The following CACNA2D3 variants were observed in gnomAD, a reference collection of about 807,000 sequenced individuals.
The protein encoded by CACNA2D3 is voltage-dependent calcium channel subunit alpha-2/delta-3.
In CACNA2D3, 60 loss-of-function variants were observed where a neutral mutation model predicts 160.6. The ratio of observed to expected loss-of-function variants is 0.37; its 90% CI spans 0.30 to 0.46. The LOEUF is 0.46. Ranked by LOEUF, CACNA2D3 falls within the 20% of genes least tolerant of loss-of-function variation. The pLI is 1.00. For synonymous variants in CACNA2D3, 558 were observed against 492.9 expected (o/e 1.13, Z -1.75); for missense variants, 1,205 against 1,365.0 (o/e 0.88, Z 1.85).
rs780457730 is a variant in CACNA2D3 at position 54,642,114 on chromosome 3, A to G, written c.1054-14A>G. The G allele has an allele frequency of 5.8e-6, 9 of 1,560,626 alleles. No homozygotes were observed. Among genetic ancestry groups the G allele is most frequent in the Non-Finnish European group, 7.9e-6 (9 of 1,137,404 alleles). ...CTGATATGTATACTATTTTGAACTT[A>G]TTTCTTTCCCTAGTTCAACCACACG... is the stretch of plus-strand genomic sequence containing the variant. On this transcript the variant is annotated splice_polypyrimidine_tract_variant and intron_variant, in intron 10 of 37. Transcript: ENST00000474759.
Position 54,508,460 on chromosome 3 carries a change from G to C in CACNA2D3, c.544+4806G>C, listed in dbSNP as rs1050528142. The stretch of plus-strand genomic sequence containing the variant: ...GGCCCTAGAGAGCAAGCTCCAGTGA[G>C]CATATCAGCCCCATGAAGGCGGGAA... On this transcript the variant is annotated intron_variant, in intron 5 of 37. Coordinates refer to ENST00000474759, the MANE Select transcript of CACNA2D3 (RefSeq NM_018398.3). Among the ~76,000 whole-genome samples, 5 of 152,196 alleles carry C rather than the reference G, an allele frequency of 3.3e-5. No homozygotes were observed. The South Asian group carries it at 1.0e-3, about 32-fold the overall frequency.
At chr3:54,651,691 G>A (rs1362275311) in intron 11 of CACNA2D3, among the ~76,000 whole-genome samples, 3 of 152,088 alleles carry the variant, frequency 2.0e-5, no homozygotes, top group Non-Finnish European at 4.4e-5. Context: ...TGTGCCCCAA[G>A]CCTCCCCCGT....
chr3:54,375,645 G>A (rs1699000518), intron 3 of CACNA2D3, among the ~76,000 whole-genome samples: 1 of 152,162 alleles, frequency 6.6e-6, no homozygotes, highest in Non-Finnish European at 1.5e-5. Context: ...CAGATCAAAG[G>A]ACCTTTTGGG....
At chr3:54,355,082 T>G (rs1698626336) in intron 3 of CACNA2D3, among the ~76,000 whole-genome samples, 1 of 152,228 alleles carries the variant, frequency 6.6e-6, no homozygotes, top group African/African-American at 2.4e-5. Flanking sequence ...GTAAGTGTGC[T>G]TCAGAGAATG....
At chr3:54,423,381 A>G (rs1005742360) in intron 4 of CACNA2D3, among the ~76,000 whole-genome samples, 1 of 152,138 alleles carries the variant, frequency 6.6e-6, no homozygotes, top group African/African-American at 2.4e-5. Flanking sequence ...GCATTTTTTA[A>G]TTTAAGCCTC....
At chr3:54,777,849 G>A (rs947310654) in intron 13 of CACNA2D3, among the ~76,000 whole-genome samples, 4 of 152,198 alleles carry the variant, frequency 2.6e-5, no homozygotes, top group Non-Finnish European at 5.9e-5. Flanking sequence ...GACATCTTGA[G>A]ACCACATTAG....
At chr3:54,597,368 A>T (rs1445935553) in intron 9 of CACNA2D3, among the ~76,000 whole-genome samples, 1 of 152,032 alleles carries the variant, frequency 6.6e-6, no homozygotes, top group Non-Finnish European at 1.5e-5. Context: ...GGGAGCCCTT[A>T]TAACAGGCAT....
intron 11 of CACNA2D3, among the ~76,000 whole-genome samples, chr3:54,696,987 A>C (rs960564846): frequency 3.3e-5 from 5 of 152,126 alleles, no homozygotes; most frequent in Non-Finnish European, 7.4e-5. Flanking sequence ...TAAAAAAATC[A>C]GATTCTTGGC....
At chr3:54,903,909 G>C (rs2106896793) in intron 27 of CACNA2D3, among the ~76,000 whole-genome samples, 1 of 152,166 alleles carries the variant, frequency 6.6e-6, no homozygotes, top group East Asian at 1.9e-4. Context: ...GGGGCTATTT[G>C]TTTTCTCTTG....
chr3:54,354,599 TAAGCA>T (rs1698617814), intron 3 of CACNA2D3, among the ~76,000 whole-genome samples: 1 of 152,190 alleles, frequency 6.6e-6, no homozygotes, highest in African/African-American at 2.4e-5. Context: ...CTCTTACTTC[TAAGCA>T]AAGCCAATTG....
chr3:54,618,356 T>C (rs73844119), intron 9 of CACNA2D3, among the ~76,000 whole-genome samples: 44 of 34,358 alleles, frequency 1.3e-3, no homozygotes, highest in East Asian at 2.5e-3. Context: ...TACATACATA[T>C]ATATATATAT....
intron 5 of CACNA2D3, among the ~76,000 whole-genome samples, chr3:54,511,858 T>C (rs576225729): frequency 6.6e-6 from 1 of 152,354 alleles, no homozygotes. Flanking sequence ...GTTACTTCTA[T>C]GATAACTTCA....
chr3:54,895,747 G>A (rs1443987235), intron 25 of CACNA2D3, among the ~76,000 whole-genome samples: 4 of 152,130 alleles, frequency 2.6e-5, no homozygotes, highest in Non-Finnish European at 5.9e-5. Context: ...CTAACCAGGC[G>A]GTCATCCCCC....
chr3:54,257,053 G>T (rs1702311694), intron 2 of CACNA2D3, among the ~76,000 whole-genome samples: 1 of 152,204 alleles, frequency 6.6e-6, no homozygotes, highest in Non-Finnish European at 1.5e-5. Context: ...CAGATTCAAT[G>T]AGTAATTATT....
chr3:55,004,721 T>C, intron 31 of CACNA2D3, 42 bp from the exon 32 acceptor site: 1 of 1,391,914 alleles, frequency 7.2e-7, no homozygotes, highest in South Asian at 1.2e-5. Context: ...GGTTCCCGTG[T>C]TTTCTCATTT....
chr3:54,224,338 G>A (rs1701629870), intron 2 of CACNA2D3, among the ~76,000 whole-genome samples: 1 of 151,990 alleles, frequency 6.6e-6, no homozygotes, highest in East Asian at 1.9e-4. Flanking sequence ...TTACAGTATA[G>A]TAAATACGTA....
At chr3:54,822,783 TTTCTTTCCTTTC>T (rs1363561631) in intron 14 of CACNA2D3, among the ~76,000 whole-genome samples, 26 of 82,502 alleles carry the variant, frequency 3.2e-4, no homozygotes, top group South Asian at 9.4e-4. Context: ...TCTTTCTTTC[TTTCTTTCCTTTC>T]TTTCTTTCTT....
At chr3:54,864,476 GT>G (rs1699358489) in intron 17 of CACNA2D3, among the ~76,000 whole-genome samples, 1 of 152,080 alleles carries the variant, frequency 6.6e-6, no homozygotes, top group South Asian at 2.1e-4. Context: ...TTTTTGCCAT[GT>G]TGGCCAGGCT....
At chr3:54,331,018 G>A (rs1489175354) in intron 3 of CACNA2D3, among the ~76,000 whole-genome samples, 3 of 152,060 alleles carry the variant, frequency 2.0e-5, no homozygotes, top group Non-Finnish European at 2.9e-5. Flanking sequence ...AGAAGTGTGG[G>A]GGTTGGTGGT....
Sources: gnomAD v4.1 joint callset for allele counts (sites outside exome capture counted in the v4.1 genomes callset) on GRCh38, gnomAD v4.1.1 for gene constraint, MANE v1.5 for transcripts, NCBI Gene and HGNC (gene_info 2026-07-23, HGNC 2026-07-21) for gene names.